NBEA: variants seen among roughly 807,000 people sequenced by gnomAD.
The protein encoded by NBEA is neurobeachin, also known as lysosomal-trafficking regulator 2.
NBEA carries 44 observed loss-of-function variants against 343.4 expected under a neutral mutation model. That is an observed-to-expected ratio of 0.13 (90% CI 0.10 to 0.16). The LOEUF (loss-of-function observed/expected upper bound fraction) is 0.16. NBEA is among the 10% of genes least tolerant of loss of function. The pLI is 1.00. For missense variants in NBEA, 2,555 were observed against 3,631.3 expected, an observed-to-expected ratio of 0.70 and a Z score of 7.62; for synonymous variants, 1,175 against 1,238.7, an observed-to-expected ratio of 0.95 and a Z score of 1.08.
chr13:35,035,989 G>A, intron 1 of NBEA, among the ~76,000 whole-genome samples: 1 of 152,058 alleles, frequency 6.6e-6, no homozygotes, highest in East Asian at 1.9e-4. Context: ...CTTTTGATTG[G>A]TGAGTTTAGT....
intron 45 of NBEA, among the ~76,000 whole-genome samples, chr13:35,576,202 C>T (rs940993249): frequency 9.9e-5 from 15 of 151,448 alleles, no homozygotes; most frequent in African/African-American, 2.9e-4. Flanking sequence ...CTACAACTTC[C>T]GCCTCCGAGA....
At chr13:35,385,733 A>G (rs917074566) in intron 38 of NBEA, among the ~76,000 whole-genome samples, 1 of 152,108 alleles carries the variant, frequency 6.6e-6, no homozygotes, top group Non-Finnish European at 1.5e-5. Context: ...TAAAAATAAA[A>G]CATGTTAACT....
chr13:35,471,540 G>A (rs9544414), intron 40 of NBEA, among the ~76,000 whole-genome samples: 69,710 of 152,032 alleles, frequency 0.46, 17,809 homozygotes, highest in Middle Eastern at 0.62. Flanking sequence ...CCTTTGGGGA[G>A]ACTTTACAGA....
chr13:35,502,315 T>G (rs2076919328), intron 41 of NBEA, among the ~76,000 whole-genome samples: 1 of 152,082 alleles, frequency 6.6e-6, no homozygotes, highest in South Asian at 2.1e-4. Context: ...TTTACAAACA[T>G]AATGAAATTT....
At chr13:35,561,072 A>G (rs1004263550) in intron 44 of NBEA, among the ~76,000 whole-genome samples, 4 of 152,172 alleles carry the variant, frequency 2.6e-5, no homozygotes, top group Non-Finnish European at 5.9e-5. Context: ...CCCTATATCT[A>G]TATCTTTAAA....
intron 21 of NBEA, 62 bp from the exon 22 acceptor site, chr13:35,158,954 A>G: frequency 7.5e-7 from 1 of 1,333,118 alleles, no homozygotes; most frequent in Non-Finnish European, 1.0e-6. Context: ...AATTTGTATT[A>G]TTTAGTTTTT....
chr13:35,497,056 G>A (rs1018869290), intron 41 of NBEA, among the ~76,000 whole-genome samples: 8 of 152,186 alleles, frequency 5.3e-5, no homozygotes, highest in Non-Finnish European at 1.2e-4. Flanking sequence ...AGTTAGATAT[G>A]TAGATGAGTT....
intron 10 of NBEA, among the ~76,000 whole-genome samples, chr13:35,092,075 A>G (rs2065112197): frequency 6.6e-6 from 1 of 152,038 alleles, no homozygotes; most frequent in Non-Finnish European, 1.5e-5. Flanking sequence ...AAACACATAT[A>G]TCAGTGAAAC....
intron 36 of NBEA, among the ~76,000 whole-genome samples, chr13:35,331,538 T>C (rs1314461033): frequency 5.3e-5 from 8 of 152,058 alleles, no homozygotes; most frequent in Admixed American, 5.3e-4. Context: ...TCCTATTGCC[T>C]TTTCTATTGA....
rs187837817 is a variant in NBEA at position 35,571,280 on chromosome 13, G to T, written c.7035+4263G>T. On this transcript the variant is annotated intron_variant, in intron 45 of 58. Coordinates refer to ENST00000379939, the MANE Select transcript of NBEA (RefSeq NM_001385012.1). ...CATTACACAGGCTTCATGAAATTCT[G>T]TGTTGTATCAGTTGGGAAACTTCTG... Among the ~76,000 whole-genome samples, 5 of 152,208 alleles carry T rather than the reference G, an allele frequency of 3.3e-5. No homozygotes were observed. In the East Asian group the frequency reaches 7.7e-4, roughly 23 times the overall value.
At chr13:34,995,491 C>T (rs1441738763) in intron 1 of NBEA, among the ~76,000 whole-genome samples, 1 of 151,420 alleles carries the variant, frequency 6.6e-6, no homozygotes, top group Non-Finnish European at 1.5e-5. Context: ...AAAAAACAAA[C>T]AAACAAACCA....
At chr13:35,187,332 T>C (rs1005225444) in intron 30 of NBEA, among the ~76,000 whole-genome samples, 1 of 151,818 alleles carries the variant, frequency 6.6e-6, no homozygotes, top group Non-Finnish European at 1.5e-5. Context: ...TCAAATCCCT[T>C]CTTGAAGTAT....
chr13:35,185,070 C>T (rs534876497), intron 30 of NBEA, among the ~76,000 whole-genome samples: 1 of 152,108 alleles, frequency 6.6e-6, no homozygotes, highest in South Asian at 2.1e-4. Context: ...ACAGGAAGTC[C>T]GAGAGACTTG....
chr13:35,196,429 A>C (rs1233313489), intron 31 of NBEA, 127 bp downstream of exon 31: 2 of 890,366 alleles, frequency 2.2e-6, no homozygotes, highest in Non-Finnish European at 3.3e-6. Context: ...AAGACAATCA[A>C]AATGATGGCT....
At chr13:35,025,081 G>T (rs1172268480) in intron 1 of NBEA, among the ~76,000 whole-genome samples, 1 of 152,058 alleles carries the variant, frequency 6.6e-6, no homozygotes, top group Non-Finnish European at 1.5e-5. Context: ...TAGACTTTTT[G>T]TAGGATGCAT....
At chr13:35,066,815 G>C (rs1330195400) in intron 8 of NBEA, among the ~76,000 whole-genome samples, 1 of 151,536 alleles carries the variant, frequency 6.6e-6, no homozygotes, top group Non-Finnish European at 1.5e-5. Flanking sequence ...TTTATTTTTT[G>C]TTAGCTATGT....
intron 11 of NBEA, among the ~76,000 whole-genome samples, chr13:35,098,646 A>G (rs2065460522): frequency 6.6e-6 from 1 of 152,218 alleles, no homozygotes; most frequent in African/African-American, 2.4e-5. Context: ...CTATTCAAGC[A>G]ATAAGTATCA....
chr13:34,988,509 C>T (rs1487543442), intron 1 of NBEA, among the ~76,000 whole-genome samples: 1 of 150,920 alleles, frequency 6.6e-6, no homozygotes, highest in African/African-American at 2.4e-5. Context: ...ATGGCAGACC[C>T]CCCTGCCCCT....
At chr13:35,400,425 C>G (rs149759634) in intron 38 of NBEA, among the ~76,000 whole-genome samples, 3 of 151,696 alleles carry the variant, frequency 2.0e-5, no homozygotes, top group African/African-American at 7.3e-5. Flanking sequence ...ATTTGTTACT[C>G]AGAAAAATTA....
Sources: gnomAD v4.1 joint callset for allele counts (sites outside exome capture counted in the v4.1 genomes callset) on GRCh38, gnomAD v4.1.1 for gene constraint, MANE v1.5 for transcripts, NCBI Gene and HGNC (gene_info 2026-07-23, HGNC 2026-07-21) for gene names.